AP3B1: variants seen among roughly 807,000 people sequenced by gnomAD.
AP3B1 encodes the protein AP-3 complex subunit beta-1.
A neutral mutation model predicts 132.5 loss-of-function variants in AP3B1; 61 were observed. That is an observed-to-expected ratio of 0.46 (90% CI 0.37 to 0.57). AP3B1 has a LOEUF of 0.57. AP3B1 is among the 20% of genes least tolerant of loss of function. AP3B1 has a pLI of 0.00. For synonymous variants in AP3B1, 388 were observed against 438.3 expected (o/e 0.89, Z 1.43); for missense variants, 1,120 against 1,289.4 (o/e 0.87, Z 2.01).
chr5:78,144,511 T>C (rs4364371), intron 14 of AP3B1, among the ~76,000 whole-genome samples: 6,238 of 152,272 alleles, frequency 0.041, 193 homozygotes, highest in East Asian at 0.14. Flanking sequence ...TTATTTAAAT[T>C]TGTCAAAGGC....
At chr5:78,150,045 G>A (rs967661280) in intron 14 of AP3B1, among the ~76,000 whole-genome samples, 1 of 151,958 alleles carries the variant, frequency 6.6e-6, no homozygotes, top group African/African-American at 2.4e-5. Flanking sequence ...TGACTGGCAG[G>A]TTCTAAATCT....
chr5:78,285,094 A>C (rs1749214493), intron 1 of AP3B1, among the ~76,000 whole-genome samples: 1 of 151,886 alleles, frequency 6.6e-6, no homozygotes, highest in Non-Finnish European at 1.5e-5. Flanking sequence ...AAAAATACAA[A>C]AAAAATTAGC....
chr5:78,113,775 C>G lies in AP3B1; in HGVS notation c.2226G>C (p.Arg742Ser). 6.2e-7 allele frequency: 1 copy of G among 1,613,946 alleles called. No homozygotes were observed. Among genetic ancestry groups the G allele is most frequent in the Non-Finnish European group, 8.5e-7 (1 of 1,179,996 alleles). ...SGLENKRTAK[R>S]NSKAKGKSDS... ...ACCTTTTTCCTTTGGCTTTTGAGTT[C>G]CTCTTGGCTGTTCTTTTGTTTTCTA... Residue 742 changes from arginine to serine, a missense_variant, in exon 19 of 27, where the codon AGG becomes AGC. This residue lies in a region of AP3B1 where 906 missense variants were observed against 997.1 expected (regional missense o/e 0.91). Transcript: ENST00000255194.
chr5:78,178,118 TG>T (rs1005438395), intron 8 of AP3B1, among the ~76,000 whole-genome samples: 4 of 152,192 alleles, frequency 2.6e-5, no homozygotes, highest in African/African-American at 9.7e-5. Context: ...GCTCTGAGAC[TG>T]GGGCTTTTTA....
intron 1 of AP3B1, among the ~76,000 whole-genome samples, chr5:78,268,786 C>T (rs1748436152): frequency 6.6e-6 from 1 of 152,144 alleles, no homozygotes; most frequent in Non-Finnish European, 1.5e-5. Flanking sequence ...AAAAGCTAGT[C>T]TTCAACAACA....
At chr5:78,271,852 T>G (rs748397767) in intron 1 of AP3B1, among the ~76,000 whole-genome samples, 6 of 152,186 alleles carry the variant, frequency 3.9e-5, no homozygotes, top group Non-Finnish European at 7.3e-5. Flanking sequence ...TCAAAATATT[T>G]TACCCCAAAA....
At chr5:78,237,330 C>A (rs754953134) in intron 3 of AP3B1, among the ~76,000 whole-genome samples, 9 of 147,764 alleles carry the variant, frequency 6.1e-5, no homozygotes, top group Middle Eastern at 4.3e-3. Context: ...CTCGTCTCTA[C>A]AAAATATTTT....
At chr5:78,143,653 T>C (rs755569826) in intron 14 of AP3B1, among the ~76,000 whole-genome samples, 1 of 152,090 alleles carries the variant, frequency 6.6e-6, no homozygotes, top group African/African-American at 2.4e-5. Context: ...CCATTGACAC[T>C]ATGAATTCAC....
At chr5:78,009,699 G>A (rs1746539126) in intron 26 of AP3B1, among the ~76,000 whole-genome samples, 1 of 139,812 alleles carries the variant, frequency 7.2e-6, no homozygotes, top group Non-Finnish European at 1.5e-5. Context: ...TTATCCACAA[G>A]TTGCATATGG....
chr5:78,281,428 C>A, intron 1 of AP3B1, among the ~76,000 whole-genome samples: 1 of 122,500 alleles, frequency 8.2e-6, no homozygotes, highest in East Asian at 2.3e-4. Flanking sequence ...GACCAAAACT[C>A]TGCCTCAAAA....
intron 2 of AP3B1, among the ~76,000 whole-genome samples, chr5:78,248,555 C>A (rs1195496203): frequency 2.0e-5 from 3 of 149,126 alleles, no homozygotes; most frequent in Middle Eastern, 3.5e-3. Context: ...CATATAGACT[C>A]TTTTATTTCC....
chr5:78,241,284 GACCTCCCAGGTTTAAGTGATCCCCC>G (rs1747125675), intron 2 of AP3B1, among the ~76,000 whole-genome samples: 1 of 151,072 alleles, frequency 6.6e-6, no homozygotes, highest in Non-Finnish European at 1.5e-5. Context: ...CGGCAGCTTC[GACCTCCCAGGTTTAAGTGATCCCCC>G]ACCTCAGCTT....
intron 22 of AP3B1, among the ~76,000 whole-genome samples, chr5:78,079,557 A>T (rs1265966959): frequency 6.6e-6 from 1 of 152,230 alleles, no homozygotes; most frequent in East Asian, 1.9e-4. Flanking sequence ...TCTAAAGGAA[A>T]GCAGAAAGAT....
intron 14 of AP3B1, among the ~76,000 whole-genome samples, chr5:78,147,746 T>C (rs1256492456): frequency 6.6e-6 from 1 of 152,206 alleles, no homozygotes; most frequent in Non-Finnish European, 1.5e-5. Flanking sequence ...TTGAGAAAGT[T>C]GATGCATCAG....
intron 2 of AP3B1, among the ~76,000 whole-genome samples, chr5:78,243,489 A>G (rs1384116064): frequency 6.6e-6 from 1 of 152,242 alleles, no homozygotes. Flanking sequence ...TAGGGATCCA[A>G]CCATAACCAA....
At chr5:78,164,839 G>C (rs1044208717) in intron 12 of AP3B1, among the ~76,000 whole-genome samples, 1 of 152,040 alleles carries the variant, frequency 6.6e-6, no homozygotes, top group African/African-American at 2.4e-5. Flanking sequence ...TTTAATATTG[G>C]CATATAGGAG....
chr5:78,284,417 A>C (rs1025851357), intron 1 of AP3B1, among the ~76,000 whole-genome samples: 2 of 152,150 alleles, frequency 1.3e-5, no homozygotes, highest in African/African-American at 4.8e-5. Flanking sequence ...TACTATTTAA[A>C]TCCTCTAGTG....
At chr5:78,043,195 G>A (rs1056035519) in intron 22 of AP3B1, 3 of 154,474 alleles carry the variant, frequency 1.9e-5, no homozygotes, top group African/African-American at 7.2e-5. Flanking sequence ...GAGTGCGGTG[G>A]TGTGATATGA....
chr5:78,160,011 C>A (rs1470917911), intron 13 of AP3B1, among the ~76,000 whole-genome samples: 2 of 152,176 alleles, frequency 1.3e-5, no homozygotes, highest in Non-Finnish European at 2.9e-5. Context: ...GGGTAATTTA[C>A]TCAGGATAGC....
Sources: allele counts gnomAD v4.1 joint callset (sites outside exome capture counted in the v4.1 genomes callset), GRCh38; gene constraint gnomAD v4.1.1; regional missense constraint gnomAD v4.1.1; transcripts MANE v1.5; gene names NCBI Gene and HGNC (gene_info 2026-07-23, HGNC 2026-07-21).